PCSK2: variants seen among roughly 807,000 people sequenced by gnomAD.
The protein encoded by PCSK2 is proprotein convertase subtilisin/kexin type 2.
A neutral mutation model predicts 69.7 loss-of-function variants in PCSK2; 14 were observed. The ratio of observed to expected loss-of-function variants is 0.20; its 90% confidence interval spans 0.13 to 0.31. PCSK2 has a LOEUF of 0.31. Among genes scored for constraint, PCSK2 ranks in the 10% least tolerant of loss-of-function variants. The probability of loss-of-function intolerance (pLI) is 1.00; values close to 1 mark genes in which losing one functional copy is unlikely to be tolerated. For missense variants in PCSK2, 544 were observed against 842.5 expected (o/e 0.65, Z 4.39); for synonymous variants, 307 against 320.7 (o/e 0.96, Z 0.46).
At chr20:17,333,079 C>T (rs534314097) in intron 2 of PCSK2, among the ~76,000 whole-genome samples, 1 of 152,134 alleles carries the variant, frequency 6.6e-6, no homozygotes, top group Admixed American at 6.5e-5. Flanking sequence ...CCAATGTTCA[C>T]AACTGAACTG....
At chr20:17,376,217 C>T (rs1170195607) in intron 5 of PCSK2, among the ~76,000 whole-genome samples, 2 of 152,180 alleles carry the variant, frequency 1.3e-5, no homozygotes, top group African/African-American at 4.8e-5. Flanking sequence ...CTGAGCCCCA[C>T]CAAAATCACC....
At chr20:17,340,500 G>T (rs1011879941) in intron 2 of PCSK2, among the ~76,000 whole-genome samples, 2 of 152,108 alleles carry the variant, frequency 1.3e-5, no homozygotes, top group African/African-American at 4.8e-5. Flanking sequence ...TCCTCTTCTT[G>T]TCTCTATGAT....
chr20:17,247,662 C>A (rs1418785365), intron 1 of PCSK2, among the ~76,000 whole-genome samples: 1 of 152,214 alleles, frequency 6.6e-6, no homozygotes, highest in East Asian at 1.9e-4. Context: ...GCAGTAGACT[C>A]TCCTGAGAAC....
At chr20:17,297,170 A>G (rs1845278468) in intron 2 of PCSK2, among the ~76,000 whole-genome samples, 1 of 152,252 alleles carries the variant, frequency 6.6e-6, no homozygotes, top group Admixed American at 6.5e-5. Flanking sequence ...AGCTGTTTAC[A>G]TTAGAGAAAT....
intron 2 of PCSK2, among the ~76,000 whole-genome samples, chr20:17,344,953 C>T (rs903067767): frequency 2.7e-4 from 6 of 22,582 alleles, no homozygotes; most frequent in Non-Finnish European, 5.3e-4. Context: ...GTTCCTTCCT[C>T]GAACAATCTC....
intron 2 of PCSK2, among the ~76,000 whole-genome samples, chr20:17,286,065 G>A (rs193020065): frequency 1.1e-3 from 163 of 152,252 alleles, no homozygotes; most frequent in African/African-American, 3.7e-3. Flanking sequence ...TAAATGTAAG[G>A]CAGAAATGGC....
At chr20:17,287,842 T>C (rs1988570896) in intron 2 of PCSK2, among the ~76,000 whole-genome samples, 1 of 152,212 alleles carries the variant, frequency 6.6e-6, no homozygotes, top group African/African-American at 2.4e-5. Flanking sequence ...TACCTGGCCA[T>C]AAGGCTTGCC....
chr20:17,419,216 G>T (rs1226642746), intron 6 of PCSK2, among the ~76,000 whole-genome samples: 3 of 152,162 alleles, frequency 2.0e-5, no homozygotes, highest in African/African-American at 2.4e-5. Flanking sequence ...ATGCAGAACT[G>T]CTTTTAGGGA....
chr20:17,348,747 C>T (rs551110465), intron 2 of PCSK2, among the ~76,000 whole-genome samples: 2 of 152,332 alleles, frequency 1.3e-5, no homozygotes, highest in African/African-American at 4.8e-5. Flanking sequence ...GTCCTCACAC[C>T]ATTCCCTCTG....
chr20:17,394,744 T>C (rs759587332), intron 5 of PCSK2, among the ~76,000 whole-genome samples: 2 of 152,202 alleles, frequency 1.3e-5, no homozygotes, highest in Non-Finnish European at 2.9e-5. Flanking sequence ...TTAATGTAGA[T>C]TTTGGTGTTT....
At chr20:17,269,172 T>A (rs898651461) in intron 2 of PCSK2, among the ~76,000 whole-genome samples, 2 of 152,110 alleles carry the variant, frequency 1.3e-5, no homozygotes, top group African/African-American at 4.8e-5. Context: ...GACTTAAGGA[T>A]CTAGGAGAGA....
intron 5 of PCSK2, among the ~76,000 whole-genome samples, chr20:17,388,086 C>T (rs1466239266): frequency 6.6e-6 from 1 of 152,084 alleles, no homozygotes; most frequent in Non-Finnish European, 1.5e-5. Flanking sequence ...ATGCTCAGCC[C>T]TTTCAAGGAT....
At chr20:17,349,144 C>A (rs985673980) in intron 2 of PCSK2, among the ~76,000 whole-genome samples, 2 of 152,148 alleles carry the variant, frequency 1.3e-5, no homozygotes, top group Admixed American at 6.5e-5. Flanking sequence ...TACAGGTGAG[C>A]AAACTGAGTC....
chr20:17,333,113 G>A (rs558743957), intron 2 of PCSK2, among the ~76,000 whole-genome samples: 36 of 152,124 alleles, frequency 2.4e-4, no homozygotes, highest in African/African-American at 8.4e-4. Flanking sequence ...GAAAGTGACT[G>A]TTTCTAGGAA....
chr20:17,470,615 T>C (rs2033182681), intron 11 of PCSK2, among the ~76,000 whole-genome samples: 1 of 152,210 alleles, frequency 6.6e-6, no homozygotes. Flanking sequence ...GCTAAGAACT[T>C]CTCTCGGAAA....
chr20:17,231,986 G>A (rs1164603185), intron 1 of PCSK2, among the ~76,000 whole-genome samples: 1 of 152,108 alleles, frequency 6.6e-6, no homozygotes, highest in Non-Finnish European at 1.5e-5. Flanking sequence ...TCCTTGCAAG[G>A]TTAACCTGAT....
intron 10 of PCSK2, among the ~76,000 whole-genome samples, chr20:17,462,356 T>TCA (rs1297659553): frequency 3.3e-5 from 5 of 152,194 alleles, no homozygotes; most frequent in Non-Finnish European, 7.3e-5. Flanking sequence ...TTCTCAAACA[T>TCA]CACTGTACAG....
intron 2 of PCSK2, among the ~76,000 whole-genome samples, chr20:17,347,131 A>T (rs1399130177): frequency 6.6e-6 from 1 of 152,182 alleles, no homozygotes; most frequent in Non-Finnish European, 1.5e-5. Flanking sequence ...AATGAGGGCA[A>T]TCAATACTGT....
At chr20:17,452,595 T>G (rs2032847849) in intron 8 of PCSK2, among the ~76,000 whole-genome samples, 1 of 152,194 alleles carries the variant, frequency 6.6e-6, no homozygotes, top group Non-Finnish European at 1.5e-5. Context: ...GGAGAGACTT[T>G]CCCTGACAAT....
Sources: allele counts gnomAD v4.1 joint callset (sites outside exome capture counted in the v4.1 genomes callset), GRCh38; gene constraint gnomAD v4.1.1; transcripts MANE v1.5; gene names NCBI Gene and HGNC (gene_info 2026-07-23, HGNC 2026-07-21).